DNMT3A: variants seen among roughly 807,000 people sequenced by gnomAD.
DNMT3A encodes DNA (cytosine-5)-methyltransferase 3A.
Under a neutral mutation model 117.6 loss-of-function variants are expected in DNMT3A, and 267 were observed. The ratio of observed to expected loss-of-function variants is 2.27; its 90% CI spans 2.05 to 2.51. The LOEUF is 2.51. Among genes scored for constraint, DNMT3A ranks in the 30% most tolerant of loss-of-function variants. The probability of loss-of-function intolerance (pLI) is 0.00; values close to 1 mark genes in which losing one functional copy is unlikely to be tolerated. For synonymous variants in DNMT3A, 432 were observed against 474.8 expected (o/e 0.91, Z 1.17); for missense variants, 1,029 against 1,260.2 (o/e 0.82, Z 2.78).
intron 6 of DNMT3A, among the ~76,000 whole-genome samples, chr2:25,269,271 G>A (rs553655142): frequency 6.6e-6 from 1 of 152,348 alleles, no homozygotes; most frequent in African/African-American, 2.4e-5. Context: ...AGGTTGCAGT[G>A]AGCCAAGAGA....
chr2:25,237,002 C>G lies in DNMT3A; in HGVS notation c.2412G>C (p.Pro804=), dbSNP rs529419548. 3 of 1,613,464 alleles carry G rather than the reference C, an allele frequency of 1.9e-6. No individual in the cohort carries two copies. The highest frequency in any genetic ancestry group is 2.5e-6 in the Non-Finnish European group (3 of 1,179,894). The change falls in exon 21 of 23, where the codon CCG becomes CCC. Residue 804 remains proline, a synonymous_variant. Coordinates refer to ENST00000321117, the MANE Select transcript of DNMT3A (RefSeq NM_022552.5). The surrounding 1 kb of genome is among the most constrained non-coding windows in gnomAD (Gnocchi z 5.4). The part of the protein sequence containing the change: ...FWGNLPGMNR[P]LASTVNDKLE... ...GCTTATCATTCACAGTGGATGCCAA[C>G]GGCCTAGGAGGCAGAAGAGAGACTG...
chr2:25,292,178 C>T (rs2032807373), intron 3 of DNMT3A, among the ~76,000 whole-genome samples: 1 of 151,794 alleles, frequency 6.6e-6, no homozygotes, highest in Non-Finnish European at 1.5e-5. Context: ...TCAATAAATC[C>T]CTTCGACCCT....
chr2:25,252,860 G>A lies in DNMT3A; in HGVS notation c.640-4608C>T, dbSNP rs764720464. Among the ~76,000 whole-genome samples the A allele has an allele frequency of 6.6e-6, 1 of 152,036 alleles. No homozygotes were observed. Among genetic ancestry groups the A allele is most frequent in the Non-Finnish European group, 1.5e-5 (1 of 67,998 alleles). On this transcript the variant is annotated intron_variant, in intron 6 of 22. Transcript: ENST00000321117. This position sits in a 1 kb window ranked among gnomAD's most constrained non-coding sequence, Gnocchi z 5.5. ...AGACGGAGAGTGACAGCAGGCGCGC[G>A]CAGGCATTGGGAGCGCTCCAGATCG...
rs202075104 is a variant in DNMT3A, at chr2:25,294,669, C to A, written c.177+5470G>T. Among the ~76,000 whole-genome samples, 9 of 152,218 alleles carry A rather than the reference C, an allele frequency of 5.9e-5. No individual in the cohort carries two copies. The East Asian group carries it at 1.7e-3, about 29-fold the overall frequency. Reference sequence around the variant, plus strand: ...TATCAGGCTGGAAAGCTAGCCAGTGCTGCAAACCTCCAAGAGCTGCCATAA... The same window carrying A: ...TATCAGGCTGGAAAGCTAGCCAGTGATGCAAACCTCCAAGAGCTGCCATAA... On this transcript the variant is annotated intron_variant, in intron 3 of 22. Coordinates refer to ENST00000321117, the MANE Select transcript of DNMT3A (RefSeq NM_022552.5). The surrounding 1 kb of genome is among the most constrained non-coding windows in gnomAD (Gnocchi z 4.7).
intron 19 of DNMT3A, among the ~76,000 whole-genome samples, chr2:25,239,954 G>C (rs1315546449): frequency 6.6e-6 from 1 of 152,190 alleles, no homozygotes; most frequent in East Asian, 1.9e-4. Flanking sequence ...CTTGCTCAGG[G>C]AAAACTGATT....
intron 6 of DNMT3A, among the ~76,000 whole-genome samples, chr2:25,256,770 A>G (rs1251357369): frequency 6.6e-6 from 1 of 152,102 alleles, no homozygotes. Flanking sequence ...GTACTTTGTA[A>G]GCCTCTGTTA....
At chr2:25,262,844 C>T (rs1232017823) in intron 6 of DNMT3A, among the ~76,000 whole-genome samples, 9 of 152,220 alleles carry the variant, frequency 5.9e-5, no homozygotes, top group Non-Finnish European at 1.2e-4. Flanking sequence ...CCCCTGCACC[C>T]TAGTTACCAG....
chr2:25,246,556 C>A, intron 10 of DNMT3A, 64 bp downstream of exon 10: 10 of 1,560,592 alleles, frequency 6.4e-6, no homozygotes, highest in Non-Finnish European at 8.7e-6. Flanking sequence ...GCATGGCTTT[C>A]CCAGCCCTGG....
At chr2:25,308,904 T>C (rs1287774616) in intron 2 of DNMT3A, among the ~76,000 whole-genome samples, 1 of 152,014 alleles carries the variant, frequency 6.6e-6, no homozygotes, top group African/African-American at 2.4e-5. Flanking sequence ...GCCAGGCCTC[T>C]GGGCCAGACT....
chr2:25,289,085 T>C (rs1449960212), intron 3 of DNMT3A, among the ~76,000 whole-genome samples: 1 of 151,920 alleles, frequency 6.6e-6, no homozygotes, highest in African/African-American at 2.4e-5. Context: ...CCTCCTCGAC[T>C]GTGAGCCTTG....
rs901702916 is a variant in DNMT3A, at chr2:25,296,629, C to T, written c.177+3510G>A. Among the ~76,000 whole-genome samples the T allele has an allele frequency of 4.6e-5, 7 of 152,224 alleles. No individual in the cohort carries two copies. The highest frequency in any genetic ancestry group is 8.8e-5 in the Non-Finnish European group (6 of 68,042). The stretch of plus-strand genomic sequence containing the variant: ...GGTGGCTTCCCGCACATGGTCAGTG[C>T]TCAGGAAGTGGAAAGTGTTTGTCGT... On this transcript the variant is annotated intron_variant, in intron 3 of 22. Transcript: ENST00000321117. The surrounding 1 kb of genome is among the most constrained non-coding windows in gnomAD (Gnocchi z 4.2).
At chr2:25,251,395 T>G (rs1380954119) in intron 6 of DNMT3A, among the ~76,000 whole-genome samples, 1 of 151,964 alleles carries the variant, frequency 6.6e-6, no homozygotes, top group Non-Finnish European at 1.5e-5. Context: ...CAGGCGGCAT[T>G]CAAGAGACAC....
At chr2:25,307,579 C>T (rs1166812537) in intron 2 of DNMT3A, among the ~76,000 whole-genome samples, 1 of 151,708 alleles carries the variant, frequency 6.6e-6, no homozygotes, top group Non-Finnish European at 1.5e-5. Flanking sequence ...AATTCTCCCA[C>T]CTCAGCTTCC....
rs1156715746 is a variant in DNMT3A at position 25,281,888 on chromosome 2, C to T, written c.448+553G>A. The T allele has an allele frequency of 3.7e-6, 4 of 1,070,468 alleles. No homozygotes were observed. Among genetic ancestry groups the T allele is most frequent in the Non-Finnish European group, 4.5e-6 (4 of 882,452 alleles). The allele number at this position is 1,070,468 out of a possible 1,614,324, so 66.3% of individuals were successfully genotyped here. On this transcript the variant is annotated intron_variant, in intron 4 of 22. Coordinates refer to ENST00000321117, the MANE Select transcript of DNMT3A (RefSeq NM_022552.5). This position sits in a 1 kb window ranked among gnomAD's most constrained non-coding sequence, Gnocchi z 4.8. ...CCACGCCACTGTCACAACCAAATTT[C>T]CAGTTGAGTCAGCCCAACTAGGGTG...
chr2:25,325,142 G>A (rs1640568319), intron 1 of DNMT3A, among the ~76,000 whole-genome samples: 1 of 151,980 alleles, frequency 6.6e-6, no homozygotes, highest in South Asian at 2.1e-4. Flanking sequence ...AAAGTGAGCG[G>A]GGGGGGGATT....
At chr2:25,241,787 A>C (rs1032380504) in intron 16 of DNMT3A, 80 bp from the exon 17 acceptor site, 4 of 1,556,660 alleles carry the variant, frequency 2.6e-6, no homozygotes, top group Admixed American at 2.0e-5. Flanking sequence ...CCTGCTGGCC[A>C]ACAGGACCCA....
rs561591520 is a variant in DNMT3A, at chr2:25,254,020, C to T, written c.640-5768G>A. On this transcript the variant is annotated intron_variant, in intron 6 of 22. Transcript: ENST00000321117. The surrounding 1 kb of genome is among the most constrained non-coding windows in gnomAD (Gnocchi z 4.7). ...TTAGGAGGCGGATGTTGCAGTGAGC[C>T]GAGATCATGCCACTGCACTCCAGCC... is the stretch of plus-strand genomic sequence containing the variant. Among the ~76,000 whole-genome samples, 17 of 150,126 alleles carry T rather than the reference C, an allele frequency of 1.1e-4. No homozygotes were observed. The highest frequency in any genetic ancestry group is 6.3e-4 in the South Asian group (3 of 4,750).
At chr2:25,321,871 C>T (rs2034611174) in intron 1 of DNMT3A, among the ~76,000 whole-genome samples, 1 of 152,140 alleles carries the variant, frequency 6.6e-6, no homozygotes, top group Admixed American at 6.5e-5. Context: ...GGGCAAAGAT[C>T]GAGATCCTGT....
Position 25,339,522 on chromosome 2 carries a change from G to A in DNMT3A, c.-178+2304C>T, listed in dbSNP as rs1439448748. ...GCACAGAGGAGGGGGACCCACCAGG[G>A]AGGCAGGCAGGTGCCAGAGCTGCTG... On this transcript the variant is annotated intron_variant, in intron 1 of 22. Transcript: ENST00000321117. The surrounding 1 kb of genome is among the most constrained non-coding windows in gnomAD (Gnocchi z 4.9). Among the ~76,000 whole-genome samples the A allele has an allele frequency of 1.3e-5, 2 of 152,210 alleles. No homozygotes were observed. The highest frequency in any genetic ancestry group is 4.8e-5 in the African/African-American group (2 of 41,460).
Sources: allele counts gnomAD v4.1 joint callset (sites outside exome capture counted in the v4.1 genomes callset), GRCh38; gene constraint gnomAD v4.1.1; non-coding constraint Gnocchi (gnomAD v3.1); transcripts MANE v1.5; gene names NCBI Gene and HGNC (gene_info 2026-07-23, HGNC 2026-07-21).